The following POU2F1 variants were observed in gnomAD, a reference collection of about 807,000 sequenced individuals.
POU2F1 encodes the protein POU domain, class 2, transcription factor 1.
A neutral mutation model predicts 84.9 loss-of-function variants in POU2F1; 16 were observed. The ratio of observed to expected loss-of-function variants is 0.19; its 90% CI spans 0.13 to 0.29. The LOEUF is 0.29. POU2F1 is among the 10% of genes least tolerant of loss of function. The pLI is 1.00. For synonymous variants in POU2F1, 368 were observed against 368.3 expected (o/e 1.00, Z 0.01); for missense variants, 738 against 942.6 (o/e 0.78, Z 2.84).
rs1405221096 is a variant in POU2F1, at chr1:167,423,929, A to T, written c.*8119A>T. ...GACGTCCAAACACTTGAGTTTCTTA[A>T]GATTGGGATCTCTTTCAAATGAAAA... is the stretch of plus-strand genomic sequence containing the variant. On this transcript the variant is annotated 3_prime_UTR_variant, in exon 16 of 16. Coordinates refer to ENST00000367866, the MANE Select transcript of POU2F1 (RefSeq NM_002697.4). 1 of 152,258 alleles carries T rather than the reference A, an allele frequency of 6.6e-6. No individual in the cohort carries two copies. Among genetic ancestry groups the T allele is most frequent in the Non-Finnish European group, 1.5e-5 (1 of 68,054 alleles). 9.4% of individuals were successfully genotyped at this position (152,258 alleles called of 1,614,324 possible).
At chr1:167,365,939 G>T (rs764926902) in intron 3 of POU2F1, among the ~76,000 whole-genome samples, 2 of 152,142 alleles carry the variant, frequency 1.3e-5, no homozygotes, top group Admixed American at 6.5e-5. Flanking sequence ...TGAGCTCCAA[G>T]CTCATTTCTG....
Position 167,386,112 on chromosome 1 carries a change from A to T in POU2F1, c.813+2161A>T, listed in dbSNP as rs147726396. 2.2e-3 allele frequency among the ~76,000 whole-genome samples: 333 copies of T among 152,334 alleles called. 3 individuals are homozygous for T. The highest frequency in any genetic ancestry group is 7.8e-3 in the African/African-American group (326 of 41,578). The stretch of plus-strand genomic sequence containing the variant: ...CAAAACCAAGTGTTGGCAAGAAGGT[A>T]AAGCGACTAGAGTTCTCATACATTG... On this transcript the variant is annotated intron_variant, in intron 8 of 15. Coordinates refer to ENST00000367866, the MANE Select transcript of POU2F1 (RefSeq NM_002697.4).
intron 1 of POU2F1, chr1:167,329,398 A>G: frequency 7.0e-7 from 1 of 1,420,564 alleles, no homozygotes; most frequent in Non-Finnish European, 9.6e-7. Context: ...TCGCATATGC[A>G]GCCTGTGGCG....
At chr1:167,306,019 A>G (rs575095985) in intron 1 of POU2F1, among the ~76,000 whole-genome samples, 5 of 152,334 alleles carry the variant, frequency 3.3e-5, no homozygotes, top group African/African-American at 7.2e-5. Flanking sequence ...AGCGTTGTGC[A>G]TGGAATTATT....
chr1:167,369,914 T>G (rs973717750), intron 3 of POU2F1, among the ~76,000 whole-genome samples: 7 of 152,148 alleles, frequency 4.6e-5, no homozygotes, highest in African/African-American at 1.7e-4. Context: ...GCTGATAATG[T>G]TCATTTAGTG....
chr1:167,413,755 C>T (rs1208190193), intron 15 of POU2F1, among the ~76,000 whole-genome samples: 1 of 152,110 alleles, frequency 6.6e-6, no homozygotes, highest in Non-Finnish European at 1.5e-5. Flanking sequence ...AAGGGTTCCA[C>T]TTGTTTAGTA....
intron 1 of POU2F1, among the ~76,000 whole-genome samples, chr1:167,285,921 A>G (rs1653498575): frequency 6.6e-6 from 1 of 152,212 alleles, no homozygotes; most frequent in South Asian, 2.1e-4. Context: ...TGCCAACTGC[A>G]AGAACACAAG....
chr1:167,223,554 T>C (rs189222100), intron 1 of POU2F1, among the ~76,000 whole-genome samples: 1 of 152,308 alleles, frequency 6.6e-6, no homozygotes, highest in East Asian at 1.9e-4. Flanking sequence ...ACCTTTGAAA[T>C]TATGTTAAGA....
chr1:167,268,554 C>T (rs1418666568), intron 1 of POU2F1, among the ~76,000 whole-genome samples: 1 of 152,114 alleles, frequency 6.6e-6, no homozygotes, highest in African/African-American at 2.4e-5. Flanking sequence ...CAAAAGTGCA[C>T]CCTACATGGT....
intron 2 of POU2F1, among the ~76,000 whole-genome samples, chr1:167,356,807 G>C (rs948459387): frequency 6.6e-6 from 1 of 152,190 alleles, no homozygotes; most frequent in African/African-American, 2.4e-5. Flanking sequence ...GACTTTATAG[G>C]CTGGCCCCTT....
At chr1:167,333,244 C>T (rs2101731651) in intron 2 of POU2F1, among the ~76,000 whole-genome samples, 1 of 152,258 alleles carries the variant, frequency 6.6e-6, no homozygotes, top group South Asian at 2.1e-4. Context: ...CTCCACGGCT[C>T]ATACTCTTGA....
At chr1:167,359,121 A>T (rs1659177828) in intron 2 of POU2F1, among the ~76,000 whole-genome samples, 1 of 151,684 alleles carries the variant, frequency 6.6e-6, no homozygotes, top group Non-Finnish European at 1.5e-5. Flanking sequence ...TGTACCATTT[A>T]ATAGTATTAA....
At chr1:167,333,874 C>T (rs1434567980) in intron 2 of POU2F1, among the ~76,000 whole-genome samples, 1 of 152,150 alleles carries the variant, frequency 6.6e-6, no homozygotes, top group African/African-American at 2.4e-5. Flanking sequence ...GTGCTTCAGC[C>T]ACCTAGCTTA....
In POU2F1 at chr1:167,415,483, G is replaced by A; in HGVS notation, c.1991-17G>A. ...ATGTTTTCATTCCTGCCTGTTTTGGGGGGTTTTTGTCTGTAGCTCTTGCTT... is the reference window on the plus strand; with the variant it reads ...ATGTTTTCATTCCTGCCTGTTTTGGAGGGTTTTTGTCTGTAGCTCTTGCTT... On this transcript the variant is annotated splice_polypyrimidine_tract_variant and intron_variant, in intron 15 of 15. Coordinates refer to ENST00000367866, the MANE Select transcript of POU2F1 (RefSeq NM_002697.4). 1 of 1,610,352 alleles carries A rather than the reference G, an allele frequency of 6.2e-7. No homozygotes were observed. The highest frequency in any genetic ancestry group is 8.5e-7 in the Non-Finnish European group (1 of 1,177,632).
chr1:167,316,047 G>A (rs1474824743), intron 1 of POU2F1, among the ~76,000 whole-genome samples: 2 of 152,170 alleles, frequency 1.3e-5, no homozygotes, highest in Admixed American at 6.5e-5. Flanking sequence ...TAGCAGATTA[G>A]TGGTTGTTAG....
At chr1:167,309,834 T>C (rs993298837) in intron 1 of POU2F1, among the ~76,000 whole-genome samples, 2 of 152,202 alleles carry the variant, frequency 1.3e-5, no homozygotes, top group Admixed American at 6.5e-5. Flanking sequence ...CTCTGAACAT[T>C]GATTATTTTT....
chr1:167,309,534 T>G (rs1393751734), intron 1 of POU2F1, among the ~76,000 whole-genome samples: 1 of 152,190 alleles, frequency 6.6e-6, no homozygotes, highest in Non-Finnish European at 1.5e-5. Flanking sequence ...CCTGCCTTAC[T>G]CAGCCCCATC....
rs1431978308 is a variant in POU2F1 at position 167,389,664 on chromosome 1, T to C, written c.890T>C (p.Ile297Thr). Residue 297 changes from isoleucine to threonine, a missense_variant, in exon 9 of 16, where the codon ATT (isoleucine) becomes ACT (threonine). By Grantham distance (89) the Ile-to-Thr change is moderately conservative. Coordinates refer to ENST00000367866, the MANE Select transcript of POU2F1 (RefSeq NM_002697.4). ...CAGAGCCAGTCAACACCAAAGCGAA[T>C]TGATACTCCCAGCTTGGAGGAGCCC... ...LPQSQSTPKR[I>T]DTPSLEEPSD... 1.9e-6 allele frequency: 3 copies of C among 1,614,200 alleles called. No homozygotes were observed. Among genetic ancestry groups the C allele is most frequent in the East Asian group, 4.5e-5 (2 of 44,880 alleles).
At chr1:167,312,475 C>T (rs1655565846) in intron 1 of POU2F1, among the ~76,000 whole-genome samples, 1 of 152,162 alleles carries the variant, frequency 6.6e-6, no homozygotes, top group South Asian at 2.1e-4. Context: ...AGTGATCTGC[C>T]TGCCTCAGCT....
Sources: gnomAD v4.1 joint callset for allele counts (sites outside exome capture counted in the v4.1 genomes callset) on GRCh38, gnomAD v4.1.1 for gene constraint, MANE v1.5 for transcripts, NCBI Gene and HGNC (gene_info 2026-07-23, HGNC 2026-07-21) for gene names.